The following DCBLD1 variants were observed in gnomAD, a reference collection of about 807,000 sequenced individuals.
DCBLD1 encodes discoidin, CUB and LCCL domain containing 1.
A neutral mutation model predicts 71.5 loss-of-function variants in DCBLD1; 57 were observed. That is an observed-to-expected ratio of 0.80 (90% confidence interval 0.64 to 0.99). The LOEUF (loss-of-function observed/expected upper bound fraction) is 0.99, where lower values mean the gene tolerates loss of function less well. Among genes scored for constraint, DCBLD1 ranks in the 50% least tolerant of loss-of-function variants. The pLI, the probability that DCBLD1 is intolerant of heterozygous loss-of-function variation, is 0.00. For missense variants in DCBLD1, 891 were observed against 923.5 expected (o/e 0.96, Z 0.46); for synonymous variants, 380 against 363.8 (o/e 1.04, Z -0.51).
chr6:117,553,088 A>G (rs1187811999), downstream of DCBLD1, among the ~76,000 whole-genome samples: 1 of 152,164 alleles, frequency 6.6e-6, no homozygotes, highest in African/African-American at 2.4e-5. Flanking sequence ...TTGCAGAACT[A>G]TTCACACTGT....
At chr6:117,558,125 G>A (rs1339565489) in intron 14 of DCBLD1, among the ~76,000 whole-genome samples, 1 of 152,208 alleles carries the variant, frequency 6.6e-6, no homozygotes, top group African/African-American at 2.4e-5. Flanking sequence ...CATGGTTCTA[G>A]GTTTTCCTCA....
chr6:117,552,889 G>A (rs758409410), downstream of DCBLD1, among the ~76,000 whole-genome samples: 2 of 152,082 alleles, frequency 1.3e-5, no homozygotes, highest in Non-Finnish European at 2.9e-5. Flanking sequence ...CAAACCCCTA[G>A]ATCCCATCAT....
chr6:117,487,397 A>G (rs1777125034), intron 1 of DCBLD1, among the ~76,000 whole-genome samples: 1 of 152,084 alleles, frequency 6.6e-6, no homozygotes, highest in Admixed American at 6.5e-5. Flanking sequence ...TGGTTGAGGC[A>G]GGCGGATCAC....
At chr6:117,500,629 G>T (rs1167719741) in intron 1 of DCBLD1, among the ~76,000 whole-genome samples, 1 of 152,218 alleles carries the variant, frequency 6.6e-6, no homozygotes, top group Non-Finnish European at 1.5e-5. Context: ...CACTTTGGGA[G>T]GCCGAGGTGG....
intron 2 of DCBLD1, among the ~76,000 whole-genome samples, chr6:117,515,780 A>G (rs944629880): frequency 1.3e-5 from 2 of 152,180 alleles, no homozygotes; most frequent in African/African-American, 4.8e-5. Context: ...TAGTATTTAA[A>G]AGTGACACGA....
chr6:117,561,832 C>G, intron 14 of DCBLD1: 1 of 206,624 alleles, frequency 4.8e-6, no homozygotes, highest in Admixed American at 5.9e-5. Flanking sequence ...TTATAAATAG[C>G]AAAACCACAA....
At chr6:117,540,876 A>G (rs1460766152) in intron 10 of DCBLD1, 42 bp from the exon 11 acceptor site, 11 of 1,613,310 alleles carry the variant, frequency 6.8e-6, no homozygotes, top group African/African-American at 6.7e-5. Flanking sequence ...TTCGCCTATC[A>G]TTGTTACTCA....
chr6:117,501,358 C>T (rs990535829), intron 1 of DCBLD1, among the ~76,000 whole-genome samples: 5 of 151,964 alleles, frequency 3.3e-5, no homozygotes, highest in African/African-American at 9.7e-5. Context: ...GTTGTTGAGA[C>T]GGAATCTCAC....
chr6:117,538,452 A>G (rs1778973322), intron 7 of DCBLD1, among the ~76,000 whole-genome samples, 168 bp from the exon 8 acceptor site: 1 of 152,244 alleles, frequency 6.6e-6, no homozygotes, highest in African/African-American at 2.4e-5. Flanking sequence ...AGTACAAATG[A>G]GTGAAATGCA....
At chr6:117,562,480 T>C (rs545505087) in intron 14 of DCBLD1, 2 of 203,364 alleles carry the variant, frequency 9.8e-6, no homozygotes, top group South Asian at 1.9e-4. Flanking sequence ...AGGCTCAACA[T>C]GAATGGGTAA....
chr6:117,487,090 G>A lies in DCBLD1; in HGVS notation c.112+4197G>A, dbSNP rs79815032. 9.9e-3 allele frequency among the ~76,000 whole-genome samples: 1,512 copies of A among 152,106 alleles called. 15 individuals carry two copies. Among genetic ancestry groups the A allele is most frequent in the African/African-American group, 0.034 (1,415 of 41,476 alleles). Reference sequence around the variant, plus strand: ...GGAAAAATTGTCCTTCACGAAACCCGTCCCTGTTGCCAAAAAGGTTGGTGA... The same window carrying A: ...GGAAAAATTGTCCTTCACGAAACCCATCCCTGTTGCCAAAAAGGTTGGTGA... On this transcript the variant is annotated intron_variant, in intron 1 of 14. Coordinates refer to ENST00000338728, the MANE Select transcript of DCBLD1 (RefSeq NM_001366458.2).
chr6:117,495,295 C>G (rs1362562201), intron 1 of DCBLD1, among the ~76,000 whole-genome samples: 1 of 152,118 alleles, frequency 6.6e-6, no homozygotes, highest in Non-Finnish European at 1.5e-5. Flanking sequence ...TAGGATCATA[C>G]AGCCAATGGG....
In DCBLD1 at chr6:117,539,398, G is replaced by A. The variant is rs200821669; in HGVS notation, c.1101+19G>A. On this transcript the variant is annotated intron_variant, in intron 9 of 14. Coordinates refer to ENST00000338728, the MANE Select transcript of DCBLD1 (RefSeq NM_001366458.2). ...AGAAAAGGTAAGAGGTAACCCTAGAGGCAAGAGAACTGAGTAGGAGAACAG... is the reference window on the plus strand; with the variant it reads ...AGAAAAGGTAAGAGGTAACCCTAGAAGCAAGAGAACTGAGTAGGAGAACAG... The A allele has an allele frequency of 1.4e-3, 2,257 of 1,592,432 alleles. 7 individuals carry two copies. Among genetic ancestry groups the A allele is most frequent in the Non-Finnish European group, 1.5e-3 (1,759 of 1,174,514 alleles).
chr6:117,495,328 G>A (rs745657701), intron 1 of DCBLD1, among the ~76,000 whole-genome samples: 24 of 152,156 alleles, frequency 1.6e-4, no homozygotes, highest in Non-Finnish European at 2.8e-4. Context: ...GACAAAGTCA[G>A]CTAATTCAAA....
chr6:117,544,128 CT>C (rs1779187759), intron 12 of DCBLD1: 1 of 160,732 alleles, frequency 6.2e-6, no homozygotes, highest in Non-Finnish European at 1.3e-5. Flanking sequence ...TAAAGCATGC[CT>C]TAGTGTAATG....
Position 117,544,585 on chromosome 6 carries a change from G to T in DCBLD1, c.1495+8G>T. On this transcript the variant is annotated splice_region_variant and intron_variant, in intron 13 of 14. Transcript: ENST00000338728. ...CAGAGGCTCAGAAAACAGGTTGGTT[G>T]AAAACTCTATCTACAATTTTATCTG... 2 of 1,613,870 alleles carry T rather than the reference G, an allele frequency of 1.2e-6. No homozygotes were observed. Among genetic ancestry groups the T allele is most frequent in the South Asian group, 2.2e-5 (2 of 90,964 alleles).
intron 6 of DCBLD1, 127 bp from the exon 7 acceptor site, chr6:117,537,058 G>A: frequency 1.2e-6 from 1 of 837,240 alleles, no homozygotes; most frequent in Admixed American, 2.0e-5. Flanking sequence ...AGGTTTGCAG[G>A]GGTGTTGTGA....
At chr6:117,506,298 T>C (rs993536681) in intron 2 of DCBLD1, among the ~76,000 whole-genome samples, 1 of 152,080 alleles carries the variant, frequency 6.6e-6, no homozygotes, top group Non-Finnish European at 1.5e-5. Context: ...TATATCTGTG[T>C]CTCTGTGGCT....
chr6:117,566,711 A>G (rs1779704248), intron 14 of DCBLD1: 1 of 548,686 alleles, frequency 1.8e-6, no homozygotes, highest in Non-Finnish European at 3.1e-6. Flanking sequence ...CATAGTATAC[A>G]ATAAAACAAT....
Sources: allele counts gnomAD v4.1 joint callset (sites outside exome capture counted in the v4.1 genomes callset), GRCh38; gene constraint gnomAD v4.1.1; transcripts MANE v1.5; gene names NCBI Gene and HGNC (gene_info 2026-07-23, HGNC 2026-07-21).